Variants in KCMF1 observed in about 807,000 individuals in gnomAD.
KCMF1 encodes potassium channel modulatory factor 1.
Under a neutral mutation model 41.1 loss-of-function variants are expected in KCMF1, and 3 were observed. The ratio of observed to expected loss-of-function variants is 0.07; its 90% CI spans 0.03 to 0.19. KCMF1 has a LOEUF of 0.19. Among genes scored for constraint, KCMF1 ranks in the 10% least tolerant of loss-of-function variants. The probability of loss-of-function intolerance (pLI) is 1.00; values close to 1 mark genes in which losing one functional copy is unlikely to be tolerated. For missense variants in KCMF1, 286 were observed against 488.9 expected (o/e 0.58, Z 3.91); for synonymous variants, 142 against 164.5 (o/e 0.86, Z 1.04).
intron 1 of KCMF1, among the ~76,000 whole-genome samples, chr2:85,011,787 A>G (rs1674657897): frequency 6.6e-6 from 1 of 152,164 alleles, no homozygotes; most frequent in Non-Finnish European, 1.5e-5. Flanking sequence ...ATCCTAGACC[A>G]TGGTTTCTCA....
At chr2:84,975,978 T>C (rs1673533738) in intron 1 of KCMF1, among the ~76,000 whole-genome samples, 1 of 152,140 alleles carries the variant, frequency 6.6e-6, no homozygotes, top group Non-Finnish European at 1.5e-5. Flanking sequence ...GTCTGCTAGG[T>C]TCCAAGGAAT....
chr2:84,977,782 A>G (rs1673587538), intron 1 of KCMF1, among the ~76,000 whole-genome samples: 1 of 152,144 alleles, frequency 6.6e-6, no homozygotes, highest in Non-Finnish European at 1.5e-5. Flanking sequence ...GAGAATATAT[A>G]AGAATGTAAA....
At chr2:85,033,152 A>G (rs919285745) in intron 2 of KCMF1, among the ~76,000 whole-genome samples, 1 of 152,208 alleles carries the variant, frequency 6.6e-6, no homozygotes, top group African/African-American at 2.4e-5. Context: ...TAAATGGTCA[A>G]TATATACATA....
At chr2:85,049,695 T>C in intron 6 of KCMF1, 47 bp downstream of exon 6, 1 of 1,440,486 alleles carries the variant, frequency 6.9e-7, no homozygotes, top group Non-Finnish European at 9.6e-7. Flanking sequence ...AATATTTTAT[T>C]GCCACTACAG....
intron 4 of KCMF1, among the ~76,000 whole-genome samples, chr2:85,045,301 C>T (rs1419743281): frequency 6.6e-6 from 1 of 151,884 alleles, no homozygotes; most frequent in Non-Finnish European, 1.5e-5. Context: ...TAAATATGAT[C>T]ATATCACTTT....
chr2:85,008,321 C>CATATATAATATAATATG (rs1558573485), intron 1 of KCMF1, among the ~76,000 whole-genome samples: 2 of 43,950 alleles, frequency 4.6e-5, no homozygotes, highest in African/African-American at 2.0e-4. Context: ...ATATATATAT[C>CATATATAATATAATATG]ATATATAATA....
In KCMF1 at chr2:85,042,505, G is replaced by A. The variant is rs1398711319; in HGVS notation, c.325-1059G>A. ...GATTTTGCCTAAGTGAAAGAATTTCGGCACATGTACTGGCAATGAATCACA... is the reference window on the plus strand; with the variant it reads ...GATTTTGCCTAAGTGAAAGAATTTCAGCACATGTACTGGCAATGAATCACA... On this transcript the variant is annotated intron_variant, in intron 3 of 6. Transcript: ENST00000409785. Among the ~76,000 whole-genome samples, 28 of 152,114 alleles carry A rather than the reference G, an allele frequency of 1.8e-4. 1 individual carries two copies. Among genetic ancestry groups the A allele is most frequent in the Admixed American group, 1.6e-3 (24 of 15,272 alleles).
intron 1 of KCMF1, among the ~76,000 whole-genome samples, chr2:84,985,488 A>C (rs1673877969): frequency 6.6e-6 from 1 of 152,066 alleles, no homozygotes; most frequent in Admixed American, 6.6e-5. Flanking sequence ...ATGTTTCCTG[A>C]AGGGTGTGGG....
At chr2:85,008,342 T>TA (rs1674547717) in intron 1 of KCMF1, among the ~76,000 whole-genome samples, 1 of 55,946 alleles carries the variant, frequency 1.8e-5, no homozygotes, top group Non-Finnish European at 3.3e-5. Context: ...TATAATATGA[T>TA]ATATAATATA....
chr2:85,012,005 A>G (rs111542901), intron 1 of KCMF1, among the ~76,000 whole-genome samples: 2,563 of 152,314 alleles, frequency 0.017, 60 homozygotes, highest in African/African-American at 0.058. Flanking sequence ...ACCCAGCAGA[A>G]GGGGCTTGGA....
intron 1 of KCMF1, among the ~76,000 whole-genome samples, chr2:85,018,853 G>A (rs1558577372): frequency 7.9e-6 from 1 of 126,514 alleles, no homozygotes; most frequent in African/African-American, 3.1e-5. Flanking sequence ...CGCCCAGGCT[G>A]GAGTGCAGTG....
intron 6 of KCMF1, among the ~76,000 whole-genome samples, chr2:85,052,938 G>A (rs937966368): frequency 6.6e-6 from 1 of 151,888 alleles, no homozygotes; most frequent in Non-Finnish European, 1.5e-5. Flanking sequence ...TTAAAGCATA[G>A]ATTTGCACCT....
At chr2:84,974,857 C>A (rs546519968) in intron 1 of KCMF1, among the ~76,000 whole-genome samples, 12 of 151,202 alleles carry the variant, frequency 7.9e-5, no homozygotes, top group Admixed American at 1.3e-4. Context: ...AGGCGCCCAC[C>A]ACTGCGCCCG....
intron 1 of KCMF1, among the ~76,000 whole-genome samples, chr2:85,014,875 T>C (rs1226520238): frequency 1.3e-5 from 2 of 151,522 alleles, no homozygotes; most frequent in African/African-American, 4.9e-5. Flanking sequence ...TGTTTCCCAC[T>C]AACCACCCTA....
At chr2:84,980,883 C>T (rs1462871169) in intron 1 of KCMF1, among the ~76,000 whole-genome samples, 1 of 152,084 alleles carries the variant, frequency 6.6e-6, no homozygotes, top group Non-Finnish European at 1.5e-5. Context: ...TCAAGCAATC[C>T]TCTTGCCTCG....
chr2:84,986,981 G>C (rs1210167879), intron 1 of KCMF1, among the ~76,000 whole-genome samples: 4 of 152,194 alleles, frequency 2.6e-5, no homozygotes, highest in African/African-American at 7.2e-5. Flanking sequence ...CTAGTAGTCT[G>C]TTTTCTCATC....
intron 1 of KCMF1, among the ~76,000 whole-genome samples, chr2:84,985,687 G>T (rs1156933727): frequency 1.3e-5 from 2 of 152,164 alleles, no homozygotes; most frequent in African/African-American, 4.8e-5. Context: ...AAATTAGCTG[G>T]GTGTGGCAGT....
At chr2:84,993,310 G>A (rs1013594399) in intron 1 of KCMF1, among the ~76,000 whole-genome samples, 2 of 152,138 alleles carry the variant, frequency 1.3e-5, no homozygotes, top group Non-Finnish European at 2.9e-5. Flanking sequence ...CATAATAGAT[G>A]TGTTGGATGG....
chr2:85,024,663 A>G (rs572462874), intron 1 of KCMF1, among the ~76,000 whole-genome samples: 1 of 152,186 alleles, frequency 6.6e-6, no homozygotes, highest in Admixed American at 6.5e-5. Context: ...CTTTAGACTC[A>G]TAAAAATATT....
Sources: gnomAD v4.1 joint callset for allele counts (sites outside exome capture counted in the v4.1 genomes callset) on GRCh38, gnomAD v4.1.1 for gene constraint, MANE v1.5 for transcripts, NCBI Gene and HGNC (gene_info 2026-07-23, HGNC 2026-07-21) for gene names.